The following PCDH7 variants were observed in gnomAD, a reference collection of about 807,000 sequenced individuals.
The protein encoded by PCDH7 is protocadherin 7.
In PCDH7, 17 loss-of-function variants were observed where a neutral mutation model predicts 58.9. That is an observed-to-expected ratio of 0.29 (90% CI 0.20 to 0.43). PCDH7 has a LOEUF of 0.43. PCDH7 is among the 20% of genes least tolerant of loss of function. The pLI is 1.00. For synonymous variants in PCDH7, 664 were observed against 616.4 expected, an observed-to-expected ratio of 1.08 and a Z score of -1.14; for missense variants, 1,274 against 1,441.0, an observed-to-expected ratio of 0.88 and a Z score of 1.88.
Position 31,055,573 on chromosome 4 carries a change from T to A in PCDH7, c.*8-86900T>A, listed in dbSNP as rs1051210972. 1.3e-4 allele frequency among the ~76,000 whole-genome samples: 20 copies of A among 152,228 alleles called. 1 individual carries two copies. The East Asian group carries it at 1.4e-3, about 10-fold the overall frequency. Reference sequence around the variant, plus strand: ...CTTATAATATAAAGGCTTTGTTTTTTTATTTTTTTGTTTTTTTGTTTTTGA... The same window carrying A: ...CTTATAATATAAAGGCTTTGTTTTTATATTTTTTTGTTTTTTTGTTTTTGA... On this transcript the variant is annotated intron_variant, in intron 3 of 3. Coordinates refer to the PCDH7 transcript ENST00000509759.
At chr4:30,921,414 A>C (rs1322144106) in intron 2 of PCDH7, among the ~76,000 whole-genome samples, 1 of 152,170 alleles carries the variant, frequency 6.6e-6, no homozygotes. Flanking sequence ...CAAGTAGAGC[A>C]TATTAATGCA....
intron 3 of PCDH7, among the ~76,000 whole-genome samples, chr4:31,078,484 C>CTT (rs999880241): frequency 1.1e-3 from 162 of 142,914 alleles, no homozygotes; most frequent in African/African-American, 3.9e-3. Context: ...TTTCTTTTTT[C>CTT]TTTTTTTTTT....
intron 2 of PCDH7, among the ~76,000 whole-genome samples, chr4:30,928,054 C>T (rs1243751248): frequency 6.6e-6 from 1 of 152,164 alleles, no homozygotes; most frequent in Non-Finnish European, 1.5e-5. Flanking sequence ...TGGCTCACTA[C>T]AGCCTCGACC....
chr4:30,837,373 C>T (rs1156530214), intron 1 of PCDH7, among the ~76,000 whole-genome samples: 1 of 151,680 alleles, frequency 6.6e-6, no homozygotes, highest in African/African-American at 2.4e-5. Context: ...TTAATGTAAG[C>T]CCTTCTGTAA....
At chr4:30,853,404 C>T (rs953047667) in intron 1 of PCDH7, among the ~76,000 whole-genome samples, 3 of 151,992 alleles carry the variant, frequency 2.0e-5, no homozygotes, top group Non-Finnish European at 4.4e-5. Flanking sequence ...TAGGTGTAGC[C>T]ACAAGACTCT....
At chr4:31,069,795 C>A (rs909590292) in intron 3 of PCDH7, among the ~76,000 whole-genome samples, 1 of 111,840 alleles carries the variant, frequency 8.9e-6, no homozygotes, top group South Asian at 3.3e-4. Flanking sequence ...AAGTATTAAT[C>A]CATAAGATAG....
chr4:30,806,288 A>G (rs970387156), intron 1 of PCDH7, among the ~76,000 whole-genome samples: 1 of 151,816 alleles, frequency 6.6e-6, no homozygotes, highest in Non-Finnish European at 1.5e-5. Flanking sequence ...CCCCTTTTCT[A>G]TCACTCAAAC....
intron 3 of PCDH7, among the ~76,000 whole-genome samples, chr4:31,102,826 A>G (rs1715073826): frequency 6.6e-6 from 1 of 152,194 alleles, no homozygotes; most frequent in Non-Finnish European, 1.5e-5. Context: ...TCTATGAGAC[A>G]TAGTAATAAC....
rs552720180 is a variant in PCDH7, at chr4:30,952,959, A to G, written c.*7+2744A>G. Among the ~76,000 whole-genome samples, 76 of 152,310 alleles carry G rather than the reference A, an allele frequency of 5.0e-4. 1 individual carries two copies. In the South Asian group the frequency reaches 0.011, roughly 22 times the overall value. On this transcript the variant is annotated intron_variant, in intron 3 of 3. Coordinates refer to the PCDH7 transcript ENST00000509759. ...TAACACTAATTAATCTGTTAGTTTTACACATAAAAGTATCACCTTATATCT... is the reference window on the plus strand; with the variant it reads ...TAACACTAATTAATCTGTTAGTTTTGCACATAAAAGTATCACCTTATATCT...
intron 1 of PCDH7, among the ~76,000 whole-genome samples, chr4:30,769,539 A>G (rs1560350503): frequency 6.6e-6 from 1 of 152,178 alleles, no homozygotes; most frequent in East Asian, 1.9e-4. Flanking sequence ...TTGTGCTTGT[A>G]GTTAATACTT....
intron 1 of PCDH7, among the ~76,000 whole-genome samples, chr4:30,848,385 T>C (rs529126080): frequency 6.6e-6 from 1 of 152,272 alleles, no homozygotes; most frequent in East Asian, 1.9e-4. Context: ...TTTTAATATG[T>C]ATTTACCACA....
chr4:30,728,283 A>ATATATATG (rs1714922368), intron 1 of PCDH7, among the ~76,000 whole-genome samples: 1 of 85,766 alleles, frequency 1.2e-5, no homozygotes, highest in African/African-American at 4.5e-5. Flanking sequence ...ATATGTATAT[A>ATATATATG]TATATATATA....
chr4:30,907,736 A>C (rs1267385088), intron 1 of PCDH7, among the ~76,000 whole-genome samples: 1 of 152,192 alleles, frequency 6.6e-6, no homozygotes, highest in Admixed American at 6.5e-5. Flanking sequence ...TTGACACAGC[A>C]ATCCCATTAT....
intron 1 of PCDH7, among the ~76,000 whole-genome samples, chr4:30,847,139 T>TA (rs569982144): frequency 1.6e-3 from 241 of 147,878 alleles, no homozygotes; most frequent in African/African-American, 5.1e-3. Context: ...AATAAATAAG[T>TA]AAAAAAAAAA....
At chr4:30,859,272 G>A (rs1030171380) in intron 1 of PCDH7, among the ~76,000 whole-genome samples, 6 of 151,996 alleles carry the variant, frequency 3.9e-5, no homozygotes, top group Non-Finnish European at 7.4e-5. Flanking sequence ...ATTTTAAATC[G>A]TTTATCAATT....
intron 3 of PCDH7, among the ~76,000 whole-genome samples, chr4:31,111,642 C>T (rs1005744307): frequency 1.3e-5 from 2 of 151,982 alleles, no homozygotes; most frequent in Admixed American, 1.3e-4. Flanking sequence ...CTCAGAGGTA[C>T]GGAAGTGTGA....
intron 1 of PCDH7, among the ~76,000 whole-genome samples, chr4:30,759,811 T>C (rs1174402056): frequency 1.3e-5 from 2 of 152,204 alleles, no homozygotes; most frequent in African/African-American, 4.8e-5. Context: ...GTGCCACCAT[T>C]GTATTTGTAA....
At chr4:31,010,737 A>G (rs1560574273) in intron 3 of PCDH7, among the ~76,000 whole-genome samples, 1 of 152,014 alleles carries the variant, frequency 6.6e-6, no homozygotes, top group Non-Finnish European at 1.5e-5. Flanking sequence ...AATAGTTTCA[A>G]AAACAAGGCA....
chr4:30,996,290 G>A (rs1218562349), intron 3 of PCDH7, among the ~76,000 whole-genome samples: 1 of 152,144 alleles, frequency 6.6e-6, no homozygotes. Flanking sequence ...TTTTAATATG[G>A]TCATTCTAAC....
Sources: gnomAD v4.1 joint callset for allele counts (sites outside exome capture counted in the v4.1 genomes callset) on GRCh38, gnomAD v4.1.1 for gene constraint, MANE v1.5 for transcripts, NCBI Gene and HGNC (gene_info 2026-07-23, HGNC 2026-07-21) for gene names.